The following GRM7 variants were observed in gnomAD, a reference collection of about 807,000 sequenced individuals.
GRM7 encodes the protein glutamate metabotropic receptor 7.
A neutral mutation model predicts 84.5 loss-of-function variants in GRM7; 35 were observed. That is an observed-to-expected ratio of 0.41 (90% CI 0.32 to 0.55). The LOEUF (loss-of-function observed/expected upper bound fraction) is 0.55. Ranked by LOEUF, GRM7 falls within the 20% of genes least tolerant of loss-of-function variation. The pLI is 0.19. For synonymous variants in GRM7, 487 were observed against 455.1 expected (o/e 1.07, Z -0.89); for missense variants, 1,003 against 1,194.6 (o/e 0.84, Z 2.36).
At chr3:7,683,767 T>TACAA (rs1559485608) in intron 9 of GRM7, among the ~76,000 whole-genome samples, 3 of 152,360 alleles carry the variant, frequency 2.0e-5, no homozygotes, top group East Asian at 3.9e-4. Flanking sequence ...TTAAGTAAAC[T>TACAA]TTATTTACAT....
At chr3:7,352,040 TCACA>T (rs1033361524) in intron 4 of GRM7, among the ~76,000 whole-genome samples, 4 of 132,204 alleles carry the variant, frequency 3.0e-5, no homozygotes, top group African/African-American at 1.2e-4. Context: ...TCTCTCTCTC[TCACA>T]CACACACACA....
At chr3:7,322,384 A>T (rs1012768328) in intron 4 of GRM7, among the ~76,000 whole-genome samples, 4 of 151,988 alleles carry the variant, frequency 2.6e-5, no homozygotes, top group African/African-American at 9.7e-5. Context: ...TTGTTTTTTT[A>T]AACTTTTATG....
At chr3:7,646,556 T>C (rs1466410100) in intron 8 of GRM7, among the ~76,000 whole-genome samples, 6 of 152,186 alleles carry the variant, frequency 3.9e-5, no homozygotes, top group African/African-American at 1.4e-4. Context: ...ACTGAACTTC[T>C]TGATGGTCCT....
chr3:7,650,998 G>GTAAC (rs1393955764), intron 8 of GRM7, among the ~76,000 whole-genome samples: 1 of 152,178 alleles, frequency 6.6e-6, no homozygotes, highest in African/African-American at 2.4e-5. Flanking sequence ...AGCTCTGACT[G>GTAAC]TAACTTTTTG....
intron 7 of GRM7, among the ~76,000 whole-genome samples, chr3:7,502,113 T>G (rs1347946915): frequency 1.3e-5 from 2 of 152,174 alleles, no homozygotes; most frequent in Non-Finnish European, 2.9e-5. Flanking sequence ...AGCTTCACTA[T>G]CCTTATCTAT....
intron 4 of GRM7, among the ~76,000 whole-genome samples, chr3:7,323,472 T>G (rs1190859797): frequency 6.6e-6 from 1 of 152,182 alleles, no homozygotes; most frequent in Admixed American, 6.5e-5. Context: ...TACTAAGGCA[T>G]CTGGAGAACT....
intron 4 of GRM7, among the ~76,000 whole-genome samples, chr3:7,403,722 G>T (rs1217788776): frequency 1.3e-5 from 1 of 79,416 alleles, no homozygotes; most frequent in Non-Finnish European, 2.5e-5. Flanking sequence ...AGAATGTATA[G>T]ATGAGAATAT....
intron 2 of GRM7, among the ~76,000 whole-genome samples, chr3:7,191,390 C>T (rs1427186152): frequency 6.6e-6 from 1 of 151,848 alleles, no homozygotes; most frequent in Admixed American, 6.6e-5. Context: ...AAGACATCAC[C>T]GTTAGTAGAA....
At chr3:7,057,823 G>A (rs1697280866) in intron 1 of GRM7, among the ~76,000 whole-genome samples, 1 of 151,856 alleles carries the variant, frequency 6.6e-6, no homozygotes, top group Non-Finnish European at 1.5e-5. Context: ...TCGATCTAGT[G>A]CACACTCTAT....
At chr3:6,937,197 A>G (rs2125051897) in intron 1 of GRM7, among the ~76,000 whole-genome samples, 1 of 152,360 alleles carries the variant, frequency 6.6e-6, no homozygotes, top group East Asian at 1.9e-4. Flanking sequence ...ATCAATTATC[A>G]TAAATCACTT....
Position 7,424,761 on chromosome 3 carries a change from C to T in GRM7, c.1174+9598C>T, listed in dbSNP as rs188410539. 1.6e-3 allele frequency among the ~76,000 whole-genome samples: 247 copies of T among 152,238 alleles called. 1 individual carries two copies. Among genetic ancestry groups the T allele is most frequent in the Non-Finnish European group, 1.0e-3 (70 of 68,004 alleles). Reference sequence around the variant, plus strand: ...CTTTGCTTTCAGGGAGCTTTTATTCCAGTACAGGAGGCAGAAAGAAAACCA... The same window carrying T: ...CTTTGCTTTCAGGGAGCTTTTATTCTAGTACAGGAGGCAGAAAGAAAACCA... On this transcript the variant is annotated intron_variant, in intron 5 of 9. Coordinates refer to ENST00000357716, the MANE Select transcript of GRM7 (RefSeq NM_000844.4).
intron 2 of GRM7, among the ~76,000 whole-genome samples, chr3:7,210,602 C>G (rs1696389409): frequency 6.6e-6 from 1 of 151,882 alleles, no homozygotes; most frequent in Admixed American, 6.6e-5. Context: ...GATCCTGCAC[C>G]CTTCAAAAAT....
At chr3:7,550,276 C>T (rs1471314643) in intron 7 of GRM7, among the ~76,000 whole-genome samples, 2 of 141,658 alleles carry the variant, frequency 1.4e-5, no homozygotes, top group African/African-American at 5.1e-5. Flanking sequence ...CCAACCCCCT[C>T]CTCCCCCTCC....
intron 4 of GRM7, among the ~76,000 whole-genome samples, chr3:7,356,034 T>A (rs1693382648): frequency 6.6e-6 from 1 of 152,086 alleles, no homozygotes; most frequent in South Asian, 2.1e-4. Context: ...GTCTTCCCCA[T>A]AGGCAGAACT....
chr3:7,132,583 C>T (rs1177265209), intron 1 of GRM7, among the ~76,000 whole-genome samples: 1 of 151,866 alleles, frequency 6.6e-6, no homozygotes, highest in Non-Finnish European at 1.5e-5. Context: ...TGAGGCATAT[C>T]AAAGGTTGAA....
At position 7,302,049 on chromosome 3, in the gene GRM7, C is replaced by T. The variant is rs535577859; in HGVS notation, c.878+3224C>T. Among the ~76,000 whole-genome samples the T allele has an allele frequency of 4.6e-5, 7 of 152,070 alleles. No individual in the cohort carries two copies. In the South Asian group the frequency reaches 1.5e-3, roughly 32 times the overall value. On this transcript the variant is annotated intron_variant, in intron 3 of 9. Transcript: ENST00000357716. ...TAATTTATTCTGATTATAAAAGGAA[C>T]ACATGCTCATTGTAAATCCACTGGA...
chr3:7,195,359 T>A (rs531373952), intron 2 of GRM7, among the ~76,000 whole-genome samples: 3 of 152,066 alleles, frequency 2.0e-5, no homozygotes, highest in African/African-American at 7.2e-5. Context: ...CAAATTGCAA[T>A]AGAACCCCTT....
chr3:7,109,051 T>A (rs531552101), intron 1 of GRM7, among the ~76,000 whole-genome samples: 22 of 152,200 alleles, frequency 1.4e-4, no homozygotes, highest in African/African-American at 5.1e-4. Context: ...TCTGAGTAAA[T>A]AGAATCCTCA....
chr3:7,283,227 G>A (rs1699315207), intron 2 of GRM7, among the ~76,000 whole-genome samples: 1 of 152,140 alleles, frequency 6.6e-6, no homozygotes, highest in South Asian at 2.1e-4. Flanking sequence ...GTGACTCAGA[G>A]AGAAAGGTAT....
Sources: allele counts gnomAD v4.1 joint callset (sites outside exome capture counted in the v4.1 genomes callset), GRCh38; gene constraint gnomAD v4.1.1; transcripts MANE v1.5; gene names NCBI Gene and HGNC (gene_info 2026-07-23, HGNC 2026-07-21).